Variants in CENPF observed in about 807,000 individuals in gnomAD.
The protein encoded by CENPF is AH antigen.
In CENPF, 214 loss-of-function variants were observed where a neutral mutation model predicts 307.3. The observed-to-expected ratio is 0.70, with a 90% CI of 0.62 to 0.78. CENPF has a LOEUF of 0.78. CENPF is among the 30% of genes least tolerant of loss of function. CENPF has a pLI of 0.00. For synonymous variants in CENPF, 1,259 were observed against 1,270.6 expected (o/e 0.99, Z 0.19); for missense variants, 3,401 against 3,483.9 (o/e 0.98, Z 0.60).
chr1:214,609,486 G>C (rs1196983771), intron 1 of CENPF, among the ~76,000 whole-genome samples: 3 of 152,210 alleles, frequency 2.0e-5, no homozygotes, highest in Non-Finnish European at 4.4e-5. Context: ...TTAACCATGT[G>C]AAGAGGGAAA....
At chr1:214,613,094 T>C (rs1511049) in intron 1 of CENPF, 63,052 of 304,020 alleles carry the variant, frequency 0.21, 11,532 homozygotes, top group African/African-American at 0.59. Flanking sequence ...TGATATGGCT[T>C]TTTGGTCCAC....
Position 214,610,301 on chromosome 1 carries a change from C to T in CENPF, c.-41-3413C>T, listed in dbSNP as rs540087571. On this transcript the variant is annotated intron_variant, in intron 1 of 19. Coordinates refer to ENST00000366955, the MANE Select transcript of CENPF (RefSeq NM_016343.4). Reference sequence around the variant, plus strand: ...TCCACAATGGTTGAACTAATTTGCACTCCCACCAAAAGTGTATAAGTGTTC... The same window carrying T: ...TCCACAATGGTTGAACTAATTTGCATTCCCACCAAAAGTGTATAAGTGTTC... Among the ~76,000 whole-genome samples the T allele has an allele frequency of 2.6e-5, 4 of 152,302 alleles. No individual in the cohort carries two copies. In the South Asian group the frequency reaches 8.3e-4, roughly 32 times the overall value.
At chr1:214,618,022 A>G (rs1294330491) in intron 3 of CENPF, among the ~76,000 whole-genome samples, 1 of 152,198 alleles carries the variant, frequency 6.6e-6, no homozygotes, top group Non-Finnish European at 1.5e-5. Flanking sequence ...GAAACTTACA[A>G]TCATAGCGGA....
intron 1 of CENPF, among the ~76,000 whole-genome samples, chr1:214,609,357 T>G (rs928025782): frequency 6.6e-6 from 1 of 152,184 alleles, no homozygotes; most frequent in Non-Finnish European, 1.5e-5. Context: ...TAAAAAATGA[T>G]AACTGCTTGG....
Position 214,640,507 on chromosome 1 carries a change from G to A in CENPF, c.2169G>A (p.Leu723=), listed in dbSNP as rs1330322158. The change falls in exon 12 of 20, where the codon TTG becomes TTA. Residue 723 remains leucine, a synonymous_variant. Transcript: ENST00000366955. ...KHQKEIENMC[L]KTSQLTGQVE... is the part of the protein sequence containing the mutation. ...AGAAGGAAATAGAAAATATGTGTTTGAAGACTTCTCAGCTTACTGGGCAAG... is the reference window on the plus strand; with the variant it reads ...AGAAGGAAATAGAAAATATGTGTTTAAAGACTTCTCAGCTTACTGGGCAAG... The A allele has an allele frequency of 1.9e-6, 3 of 1,614,126 alleles. No individual in the cohort carries two copies. The East Asian group carries it at 6.7e-5, about 36-fold the overall frequency.
chr1:214,655,136 A>C (rs1658595122), intron 16 of CENPF, 105 bp from the exon 17 acceptor site: 1 of 693,002 alleles, frequency 1.4e-6, no homozygotes, highest in African/African-American at 1.9e-5. Context: ...TGAATCTAAT[A>C]ATTCTTAAAT....
chr1:214,617,497 A>G (rs141777253), intron 3 of CENPF, among the ~76,000 whole-genome samples: 4 of 152,276 alleles, frequency 2.6e-5, no homozygotes, highest in African/African-American at 9.6e-5. Context: ...GCCCTCTTTT[A>G]ATGTGGGTTT....
intron 1 of CENPF, among the ~76,000 whole-genome samples, chr1:214,608,041 C>T (rs1291551172): frequency 1.3e-5 from 2 of 152,236 alleles, no homozygotes; most frequent in Admixed American, 1.3e-4. Context: ...CTGTGACAAG[C>T]TCAGCCCCTT....
Position 214,648,846 on chromosome 1 carries a change from A to T in CENPF, c.7983+19A>T. 6.2e-7 allele frequency: 1 copy of T among 1,611,214 alleles called. No individual in the cohort carries two copies. Among genetic ancestry groups the T allele is most frequent in the Non-Finnish European group, 8.5e-7 (1 of 1,178,452 alleles). ...CAGCAAAGTAAGTTTCTTTGTGACA[A>T]GTGTTATTATGATCTGTTAATTCAT... On this transcript the variant is annotated intron_variant, in intron 14 of 19. Coordinates refer to ENST00000366955, the MANE Select transcript of CENPF (RefSeq NM_016343.4).
chr1:214,659,283 C>T lies in CENPF; in HGVS notation c.9141+255C>T, dbSNP rs1450692224. Among the ~76,000 whole-genome samples, 1 of 152,100 alleles carries T rather than the reference C, an allele frequency of 6.6e-6. No homozygotes were observed. The highest frequency in any genetic ancestry group is 1.5e-5 in the Non-Finnish European group (1 of 68,014). ...AAAATGGCATTGTTACATCAAAACTCAGTGGATTTCTAAGAAAGTTTCAGG... is the reference window on the plus strand; with the variant it reads ...AAAATGGCATTGTTACATCAAAACTTAGTGGATTTCTAAGAAAGTTTCAGG... On this transcript the variant is annotated intron_variant, in intron 19 of 19. Coordinates refer to ENST00000366955, the MANE Select transcript of CENPF (RefSeq NM_016343.4). The surrounding 1 kb of genome is among the most constrained non-coding windows in gnomAD (Gnocchi z 4.4).
chr1:214,648,852 A>G (rs763707189), intron 14 of CENPF, 25 bp downstream of exon 14: 2 of 1,608,866 alleles, frequency 1.2e-6, no homozygotes, highest in South Asian at 1.1e-5. Context: ...GACAAGTGTT[A>G]TTATGATCTG....
intron 12 of CENPF, 112 bp from the exon 13 acceptor site, chr1:214,644,445 A>G (rs1359191064): frequency 3.2e-6 from 3 of 934,442 alleles, no homozygotes; most frequent in Non-Finnish European, 4.6e-6. Context: ...ACTTTAAGAG[A>G]TGTGTTTAGC....
At chr1:214,616,952 C>G (rs1003323077) in intron 3 of CENPF, among the ~76,000 whole-genome samples, 3 of 120,088 alleles carry the variant, frequency 2.5e-5, no homozygotes, top group Non-Finnish European at 5.1e-5. Flanking sequence ...TCCCTCCCTT[C>G]CTTCCTTCCC....
Position 214,645,862 on chromosome 1 carries a change from G to T in CENPF, c.6292G>T (p.Val2098Leu), listed in dbSNP as rs1658280977. The change falls in exon 13 of 20, where the codon GTG becomes TTG. Residue 2098 changes from valine (V) to leucine (L), a missense_variant. Transcript: ENST00000366955. Reference protein sequence around the residue: ...NVSKALEAALVEKGEFALRLS... With the variant: ...NVSKALEAALLEKGEFALRLS... Reference sequence around the variant, plus strand: ...CTCCAAGGCCTTGGAGGCCGCACTGGTGGAGAAAGGTGAGTTCGCATTGAG... The same window carrying T: ...CTCCAAGGCCTTGGAGGCCGCACTGTTGGAGAAAGGTGAGTTCGCATTGAG... The T allele has an allele frequency of 6.2e-7, 1 of 1,614,022 alleles. No individual in the cohort carries two copies. Among genetic ancestry groups the T allele is most frequent in the Admixed American group, 1.7e-5 (1 of 59,982 alleles).
At chr1:214,637,145 A>C (rs140118506) in intron 10 of CENPF, among the ~76,000 whole-genome samples, 1 of 152,198 alleles carries the variant, frequency 6.6e-6, no homozygotes, top group East Asian at 1.9e-4. Flanking sequence ...GTGAAAGCTC[A>C]GAAGCTAGAA....
chr1:214,647,243 T>G lies in CENPF; in HGVS notation c.7673T>G (p.Leu2558Arg), dbSNP rs557357468. 12 of 1,613,914 alleles carry G rather than the reference T, an allele frequency of 7.4e-6. No homozygotes were observed. Among genetic ancestry groups the G allele is most frequent in the Non-Finnish European group, 1.0e-5 (12 of 1,179,928 alleles). The stretch of plus-strand genomic sequence containing the variant: ...CTTTGGAAGGAGCAAAACTTAGAAC[T>G]GAGAAATCTGACAGTGGAATTGGAG... The part of the protein sequence containing the change: ...HQLWKEQNLE[L>R]RNLTVELEQK... Residue 2558 changes from leucine to arginine, a missense_variant, in exon 13 of 20, where the codon CTG (leucine) becomes CGG (arginine). Physicochemically the swap from Leu to Arg is moderately radical, Grantham distance 102. Transcript: ENST00000366955.
At chr1:214,630,453 C>T in intron 8 of CENPF, 81 bp from the exon 9 acceptor site, 1 of 1,548,382 alleles carries the variant, frequency 6.5e-7, no homozygotes, top group East Asian at 2.2e-5. Flanking sequence ...GTGCAGTCGC[C>T]TGTTAGGATG....
At chr1:214,617,339 G>C (rs1345775779) in intron 3 of CENPF, among the ~76,000 whole-genome samples, 1 of 152,052 alleles carries the variant, frequency 6.6e-6, no homozygotes, top group African/African-American at 2.4e-5. Context: ...TGAGCCACTG[G>C]GCCCGGCATT....
Position 214,645,603 on chromosome 1 carries a change from A to G in CENPF, c.6033A>G (p.Glu2011=), listed in dbSNP as rs1658271022. 3 of 1,614,022 alleles carry G rather than the reference A, an allele frequency of 1.9e-6. No homozygotes were observed. In the South Asian group the frequency reaches 3.3e-5, roughly 18 times the overall value. ...CIQVAEAEVK[E]KTELLQTLSS... is the part of the protein sequence containing the mutation. Reference sequence around the variant, plus strand: ...AGGTGGCAGAGGCAGAGGTGAAGGAAAAGACGGAACTCCTTCAGACTTTGT... The same window carrying G: ...AGGTGGCAGAGGCAGAGGTGAAGGAGAAGACGGAACTCCTTCAGACTTTGT... Residue 2011 remains glutamate, a synonymous_variant, in exon 13 of 20, where the codon GAA becomes GAG. Transcript: ENST00000366955.
Sources: gnomAD v4.1 joint callset for allele counts (sites outside exome capture counted in the v4.1 genomes callset) on GRCh38, gnomAD v4.1.1 for gene constraint, Gnocchi (gnomAD v3.1) non-coding constraint, MANE v1.5 for transcripts, NCBI Gene and HGNC (gene_info 2026-07-23, HGNC 2026-07-21) for gene names.